Variants in NALF1 observed in about 807,000 individuals in gnomAD.
The protein encoded by NALF1 is NALCN channel auxiliary factor 1, also known as family with sequence similarity 155 member A.
In NALF1, 3 loss-of-function variants were observed where a neutral mutation model predicts 48.4. That is an observed-to-expected ratio of 0.06 (90% CI 0.03 to 0.16). NALF1 has a LOEUF of 0.16. Among genes scored for constraint, NALF1 ranks in the 10% least tolerant of loss-of-function variants. NALF1 has a pLI of 1.00. For synonymous variants in NALF1, 262 were observed against 245.7 expected (o/e 1.07, Z -0.62); for missense variants, 526 against 571.5 (o/e 0.92, Z 0.81).
chr13:107,688,902 C>CAT (rs1401570755), intron 1 of NALF1, among the ~76,000 whole-genome samples: 2 of 152,192 alleles, frequency 1.3e-5, no homozygotes, highest in Non-Finnish European at 2.9e-5. Flanking sequence ...CACCAAAGTG[C>CAT]TGCAGACAAG....
intron 1 of NALF1, among the ~76,000 whole-genome samples, chr13:107,501,465 G>C (rs189010482): frequency 2.0e-5 from 3 of 152,040 alleles, no homozygotes; most frequent in African/African-American, 7.2e-5. Flanking sequence ...TAAGCTGCTG[G>C]AGCAGCAAAT....
intron 2 of NALF1, among the ~76,000 whole-genome samples, chr13:107,178,085 CA>C (rs1300309334): frequency 6.6e-6 from 1 of 152,058 alleles, no homozygotes; most frequent in Non-Finnish European, 1.5e-5. Flanking sequence ...TCTAATATCT[CA>C]AACTACGAAA....
At chr13:107,467,602 T>A (rs987662043) in intron 1 of NALF1, among the ~76,000 whole-genome samples, 1 of 152,184 alleles carries the variant, frequency 6.6e-6, no homozygotes, top group African/African-American at 2.4e-5. Context: ...TTATGATTAA[T>A]AAAAACAAAT....
intron 1 of NALF1, among the ~76,000 whole-genome samples, chr13:107,764,590 T>C (rs576230125): frequency 2.6e-5 from 4 of 152,168 alleles, no homozygotes; most frequent in Admixed American, 6.6e-5. Context: ...ATACTGAATA[T>C]ATCTGACTTT....
intron 1 of NALF1, among the ~76,000 whole-genome samples, chr13:107,709,885 C>T (rs1287227186): frequency 6.6e-6 from 1 of 152,188 alleles, no homozygotes; most frequent in Non-Finnish European, 1.5e-5. Flanking sequence ...CCATAGCTCT[C>T]GGTCTCAAAT....
chr13:107,385,552 C>CAAAAA lies in NALF1; in HGVS notation c.916-174802_916-174798dup, dbSNP rs201307018. ...TGGGTGCCAGAGCGAGATTCCATCT[C>CAAAAA]AAAAAAAAAAAAAAAAAAAAAAAAA... is the stretch of plus-strand genomic sequence containing the variant. On this transcript the variant is annotated intron_variant, in intron 1 of 2. Transcript: ENST00000375915. Among the ~76,000 whole-genome samples the CAAAAA allele has an allele frequency of 4.2e-3, 500 of 118,082 alleles. 23 individuals are homozygous for CAAAAA. Among genetic ancestry groups the CAAAAA allele is most frequent in the African/African-American group, 0.016 (470 of 29,666 alleles). 77.5% of individuals were successfully genotyped at this position (118,082 alleles called of 152,430 possible). A position where few individuals can be genotyped will look rare whatever the true frequency, so the allele number is the denominator to read the frequency against.
chr13:107,503,505 C>T (rs1223081264), intron 1 of NALF1, among the ~76,000 whole-genome samples: 1 of 151,994 alleles, frequency 6.6e-6, no homozygotes, highest in Non-Finnish European at 1.5e-5. Flanking sequence ...TTGGTGGGAA[C>T]GTCAATTGGT....
chr13:107,526,278 C>T lies in NALF1; in HGVS notation c.916-315523G>A, dbSNP rs75137974. ...AGATAGCTTGAATTTTAAGATATAC[C>T]TACCACAGTGCCTCTGAACTCACCT... is the stretch of plus-strand genomic sequence containing the variant. On this transcript the variant is annotated intron_variant, in intron 1 of 2. Coordinates refer to ENST00000375915, the MANE Select transcript of NALF1 (RefSeq NM_001080396.3). Among the ~76,000 whole-genome samples the T allele has an allele frequency of 8.1e-3, 1,239 of 152,126 alleles. 15 individuals are homozygous for T. Among genetic ancestry groups the T allele is most frequent in the African/African-American group, 0.024 (1,004 of 41,526 alleles).
chr13:107,356,726 T>C (rs966626808), intron 1 of NALF1, among the ~76,000 whole-genome samples: 2 of 152,306 alleles, frequency 1.3e-5, no homozygotes, highest in African/African-American at 2.4e-5. Context: ...TTGAAGTTTA[T>C]GATTCAACAG....
intron 1 of NALF1, among the ~76,000 whole-genome samples, chr13:107,377,265 G>A (rs1228018144): frequency 6.6e-6 from 1 of 152,200 alleles, no homozygotes; most frequent in African/African-American, 2.4e-5. Flanking sequence ...TGAGGAAAGA[G>A]GTGGGACTGG....
intron 1 of NALF1, among the ~76,000 whole-genome samples, chr13:107,455,182 T>C (rs535601048): frequency 9.8e-4 from 149 of 152,164 alleles, no homozygotes; most frequent in Non-Finnish European, 1.3e-3. Context: ...TCCACTATGA[T>C]TGTAAGTTTT....
chr13:107,672,654 CTCAT>C (rs1881018153), intron 1 of NALF1, among the ~76,000 whole-genome samples: 1 of 152,236 alleles, frequency 6.6e-6, no homozygotes, highest in African/African-American at 2.4e-5. Flanking sequence ...TATTCTTTTT[CTCAT>C]TATTTCAACA....
chr13:107,359,604 C>T (rs1470526378), intron 1 of NALF1, among the ~76,000 whole-genome samples: 1 of 150,622 alleles, frequency 6.6e-6, no homozygotes, highest in Non-Finnish European at 1.5e-5. Context: ...CCTTCATTTC[C>T]TCCCTCCCTC....
At chr13:107,456,724 T>C (rs1884830728) in intron 1 of NALF1, among the ~76,000 whole-genome samples, 1 of 152,234 alleles carries the variant, frequency 6.6e-6, no homozygotes, top group African/African-American at 2.4e-5. Context: ...TAGACTTCAA[T>C]GCTAGGAAAC....
chr13:107,825,985 T>G (rs1397359695), intron 1 of NALF1, among the ~76,000 whole-genome samples: 1 of 152,208 alleles, frequency 6.6e-6, no homozygotes, highest in Non-Finnish European at 1.5e-5. Flanking sequence ...TTCACCATGT[T>G]GGTCAGGCTG....
intron 1 of NALF1, among the ~76,000 whole-genome samples, chr13:107,499,772 T>C (rs997181674): frequency 1.3e-5 from 2 of 152,234 alleles, no homozygotes; most frequent in Admixed American, 1.3e-4. Flanking sequence ...CTAATTATTC[T>C]ACATTTCTTT....
Position 107,198,912 on chromosome 13 carries a change from T to C in NALF1, c.1087+11672A>G, listed in dbSNP as rs181812347. ...TTTTTATACGCTGTTATGGGAAGAATTGCATACTCCAAAAACGTACCTGTT... is the reference window on the plus strand; with the variant it reads ...TTTTTATACGCTGTTATGGGAAGAACTGCATACTCCAAAAACGTACCTGTT... On this transcript the variant is annotated intron_variant, in intron 2 of 2. Transcript: ENST00000375915. Among the ~76,000 whole-genome samples, 66 of 152,318 alleles carry C rather than the reference T, an allele frequency of 4.3e-4. 1 individual carries two copies. Among genetic ancestry groups the C allele is most frequent in the African/African-American group, 1.5e-3 (64 of 41,574 alleles).
intron 1 of NALF1, among the ~76,000 whole-genome samples, chr13:107,486,828 T>C (rs1428027024): frequency 6.6e-6 from 1 of 152,206 alleles, no homozygotes; most frequent in Non-Finnish European, 1.5e-5. Context: ...AGTTCATTTT[T>C]TAACATGATT....
rs560556334 is a variant in NALF1 at position 107,778,375 on chromosome 13, T to C, written c.915+87307A>G. Among the ~76,000 whole-genome samples the C allele has an allele frequency of 5.9e-5, 9 of 152,288 alleles. No homozygotes were observed. In the South Asian group the frequency reaches 1.9e-3, roughly 32 times the overall value. On this transcript the variant is annotated intron_variant, in intron 1 of 2. Coordinates refer to ENST00000375915, the MANE Select transcript of NALF1 (RefSeq NM_001080396.3). ...AGGAAATCCAGAAGAGTGGAACATC[T>C]AATGTGACACTGTGTGAGGAGTGGT...
Sources: allele counts gnomAD v4.1 joint callset (sites outside exome capture counted in the v4.1 genomes callset), GRCh38; gene constraint gnomAD v4.1.1; transcripts MANE v1.5; gene names NCBI Gene and HGNC (gene_info 2026-07-23, HGNC 2026-07-21).